Variants in MBOAT2 observed in about 807,000 individuals in gnomAD.
MBOAT2 encodes membrane bound glycerophospholipid O-acyltransferase 2.
A neutral mutation model predicts 63.4 loss-of-function variants in MBOAT2; 28 were observed. That is an observed-to-expected ratio of 0.44 (90% CI 0.33 to 0.61). The LOEUF is 0.61. MBOAT2 is among the 20% of genes least tolerant of loss of function. MBOAT2 has a pLI of 0.03. For synonymous variants in MBOAT2, 211 were observed against 215.6 expected (o/e 0.98, Z 0.19); for missense variants, 470 against 605.8 (o/e 0.78, Z 2.35).
intron 6 of MBOAT2, among the ~76,000 whole-genome samples, chr2:8,878,933 G>A (rs992312214): frequency 8.6e-5 from 13 of 151,762 alleles, no homozygotes; most frequent in Middle Eastern, 6.8e-3. Context: ...AAAATTAGCC[G>A]GGCGTAGTGG....
chr2:8,986,524 C>G (rs1270789901), intron 1 of MBOAT2, among the ~76,000 whole-genome samples: 1 of 151,848 alleles, frequency 6.6e-6, no homozygotes, highest in African/African-American at 2.4e-5. Flanking sequence ...GATCACATGA[C>G]TGCACTCTAG....
At chr2:8,863,168 A>C (rs1416041745) in intron 10 of MBOAT2, among the ~76,000 whole-genome samples, 2 of 152,174 alleles carry the variant, frequency 1.3e-5, no homozygotes, top group Admixed American at 6.5e-5. Flanking sequence ...GCTGAAAATA[A>C]AGTTTCCCTA....
At chr2:8,879,001 G>A (rs1193319390) in intron 6 of MBOAT2, among the ~76,000 whole-genome samples, 4 of 150,462 alleles carry the variant, frequency 2.7e-5, no homozygotes, top group South Asian at 2.1e-4. Context: ...GCGTGAACCC[G>A]GGAGGCGGAG....
At chr2:8,873,043 A>C (rs1290249548) in intron 8 of MBOAT2, 65 bp downstream of exon 8, 18 of 1,451,736 alleles carry the variant, frequency 1.2e-5, no homozygotes, top group Non-Finnish European at 1.6e-5. Flanking sequence ...CACTGATAGC[A>C]ATCTATCGAC....
rs1003838822 is a variant in MBOAT2, at chr2:8,855,449, T to C, written c.*3230A>G. On this transcript the variant is annotated 3_prime_UTR_variant, in exon 13 of 13. Coordinates refer to ENST00000305997, the MANE Select transcript of MBOAT2 (RefSeq NM_138799.4). ...CACTTTCTAGAAACCTCCTTTTTAC[T>C]GCACATTTTTCTCAAAAGTGGTATG... 2 of 152,236 alleles carry C rather than the reference T, an allele frequency of 1.3e-5. No homozygotes were observed. Among genetic ancestry groups the C allele is most frequent in the Non-Finnish European group, 2.9e-5 (2 of 68,042 alleles). 9.4% of individuals were successfully genotyped at this position (152,236 alleles called of 1,614,324 possible). A position where few individuals can be genotyped will look rare whatever the true frequency, so the allele number is the denominator to read the frequency against.
intron 1 of MBOAT2, among the ~76,000 whole-genome samples, chr2:8,962,708 A>G (rs1669699571): frequency 1.3e-5 from 2 of 152,050 alleles, no homozygotes; most frequent in South Asian, 4.1e-4. Flanking sequence ...CAAGAATGTA[A>G]GAGATTATAA....
intron 2 of MBOAT2, among the ~76,000 whole-genome samples, chr2:8,944,684 C>T (rs967129099): frequency 7.3e-5 from 11 of 150,502 alleles, no homozygotes; most frequent in African/African-American, 1.5e-4. Context: ...CACACACACA[C>T]GAAAATAATG....
At position 8,888,278 on chromosome 2, in the gene MBOAT2, G is replaced by A. The variant is rs1303307087; in HGVS notation, c.396-205C>T. Among the ~76,000 whole-genome samples the A allele has an allele frequency of 3.3e-5, 5 of 152,090 alleles. No individual in the cohort carries two copies. In the South Asian group the frequency reaches 6.2e-4, roughly 19 times the overall value. Reference sequence around the variant, plus strand: ...GGCGATGGGGATCTGGACTTTCTCCGAGGCTTCAAAAAATGAAAAACAAAA... The same window carrying A: ...GGCGATGGGGATCTGGACTTTCTCCAAGGCTTCAAAAAATGAAAAACAAAA... On this transcript the variant is annotated intron_variant, in intron 4 of 12. Coordinates refer to ENST00000305997, the MANE Select transcript of MBOAT2 (RefSeq NM_138799.4).
At chr2:8,998,174 G>A (rs556345675) in intron 1 of MBOAT2, among the ~76,000 whole-genome samples, 4 of 152,264 alleles carry the variant, frequency 2.6e-5, no homozygotes, top group Admixed American at 6.5e-5. Flanking sequence ...ATCTAAAACC[G>A]TTAACTGACA....
At chr2:8,882,382 G>A (rs1663202337) in intron 6 of MBOAT2, 129 bp downstream of exon 6, 2 of 904,582 alleles carry the variant, frequency 2.2e-6, no homozygotes, top group African/African-American at 1.7e-5. Flanking sequence ...GAAGTGCATG[G>A]AGAGAGTGAG....
intron 3 of MBOAT2, among the ~76,000 whole-genome samples, chr2:8,938,640 G>A (rs1300348083): frequency 7.0e-6 from 1 of 142,702 alleles, no homozygotes; most frequent in Non-Finnish European, 1.5e-5. Context: ...ACCGTCTCAT[G>A]CCACTGTGTC....
rs1377953206 is a variant in MBOAT2, at chr2:9,003,430, G to A, written c.75+110C>T. The A allele has an allele frequency of 6.8e-6, 4 of 591,658 alleles. No individual in the cohort carries two copies. Among genetic ancestry groups the A allele is most frequent in the South Asian group, 7.7e-5 (1 of 12,952 alleles). The allele number at this position is 591,658 out of a possible 1,614,324, so 36.7% of individuals were successfully genotyped here. A position where few individuals can be genotyped will look rare whatever the true frequency, so the allele number is the denominator to read the frequency against. On this transcript the variant is annotated intron_variant, in intron 1 of 12. Transcript: ENST00000305997. This position sits in a 1 kb window ranked among gnomAD's most constrained non-coding sequence, Gnocchi z 5.4. The stretch of plus-strand genomic sequence containing the variant: ...AGGGAGCGGCGGGTAGGGGGGCACC[G>A]GGCGCCCGGCCCCAGCCCCCACCCT...
chr2:8,935,778 A>G (rs2103216777), intron 3 of MBOAT2, among the ~76,000 whole-genome samples: 1 of 152,374 alleles, frequency 6.6e-6, no homozygotes, highest in South Asian at 2.1e-4. Context: ...AACTTAGCAG[A>G]GCTTGAATTC....
At chr2:8,914,934 CTTT>C (rs938665533) in intron 3 of MBOAT2, among the ~76,000 whole-genome samples, 37 of 60,218 alleles carry the variant, frequency 6.1e-4, no homozygotes, top group African/African-American at 2.6e-3. Context: ...CTGGAAATTT[CTTT>C]TTTTTTTTTT....
At chr2:8,901,945 G>A (rs568134513) in intron 4 of MBOAT2, among the ~76,000 whole-genome samples, 1 of 152,362 alleles carries the variant, frequency 6.6e-6, no homozygotes, top group Admixed American at 6.5e-5. Flanking sequence ...GGTCAGGATA[G>A]ATAGGATAGA....
chr2:8,988,418 C>T (rs1311131572), intron 1 of MBOAT2, among the ~76,000 whole-genome samples: 1 of 152,026 alleles, frequency 6.6e-6, no homozygotes, highest in African/African-American at 2.4e-5. Context: ...GAATAAATGA[C>T]TTTATATGAT....
chr2:8,862,236 A>C lies in MBOAT2; in HGVS notation c.1185+354T>G. The stretch of plus-strand genomic sequence containing the variant: ...TCATCTGAGAGAGGACTCAAAGGTT[A>C]CAGCTTTCAGGAAACATTTCTAAAA... On this transcript the variant is annotated intron_variant, in intron 11 of 12. Coordinates refer to ENST00000305997, the MANE Select transcript of MBOAT2 (RefSeq NM_138799.4). This position sits in a 1 kb window ranked among gnomAD's most constrained non-coding sequence, Gnocchi z 4.3. The C allele has an allele frequency of 8.2e-7, 1 of 1,216,612 alleles. No homozygotes were observed. Among genetic ancestry groups the C allele is most frequent in the Non-Finnish European group, 1.1e-6 (1 of 937,402 alleles). The allele number at this position is 1,216,612 out of a possible 1,614,324, so 75.4% of individuals were successfully genotyped here.
chr2:8,909,022 T>G (rs1246008264), intron 3 of MBOAT2, among the ~76,000 whole-genome samples: 1 of 152,208 alleles, frequency 6.6e-6, no homozygotes, highest in Non-Finnish European at 1.5e-5. Context: ...GTGTTCCATT[T>G]ATTCCTCCTT....
Position 9,003,233 on chromosome 2 carries a change from G to C in MBOAT2, c.75+307C>G, listed in dbSNP as rs1027812999. The stretch of plus-strand genomic sequence containing the variant: ...CGGATCCGAGCGCCGCTGCCGCGAA[G>C]GGCAGGGACCGCATGCACACCCGCA... On this transcript the variant is annotated intron_variant, in intron 1 of 12. Coordinates refer to ENST00000305997, the MANE Select transcript of MBOAT2 (RefSeq NM_138799.4). This position sits in a 1 kb window ranked among gnomAD's most constrained non-coding sequence, Gnocchi z 5.4. 1.3e-5 allele frequency among the ~76,000 whole-genome samples: 2 copies of C among 152,160 alleles called. No individual in the cohort carries two copies. The highest frequency in any genetic ancestry group is 4.8e-5 in the African/African-American group (2 of 41,440).
Sources: allele counts gnomAD v4.1 joint callset (sites outside exome capture counted in the v4.1 genomes callset), GRCh38; gene constraint gnomAD v4.1.1; non-coding constraint Gnocchi (gnomAD v3.1); transcripts MANE v1.5; gene names NCBI Gene and HGNC (gene_info 2026-07-23, HGNC 2026-07-21).